The following BOLL variants were observed in gnomAD, a reference collection of about 807,000 sequenced individuals.
BOLL encodes boule RNA binding protein.
In BOLL, 23 loss-of-function variants were observed where a neutral mutation model predicts 44.4. The observed-to-expected ratio is 0.52, with a 90% CI of 0.37 to 0.73. The LOEUF is 0.73. Among genes scored for constraint, BOLL ranks in the 30% least tolerant of loss-of-function variants. The probability of loss-of-function intolerance (pLI) is 0.00; values close to 1 mark genes in which losing one functional copy is unlikely to be tolerated. For missense variants in BOLL, 287 were observed against 338.3 expected (o/e 0.85, Z 1.19); for synonymous variants, 97 against 110.8 (o/e 0.88, Z 0.78).
intron 4 of BOLL, among the ~76,000 whole-genome samples, chr2:197,776,278 T>G (rs1689509750): frequency 6.6e-6 from 1 of 151,894 alleles, no homozygotes; most frequent in African/African-American, 2.4e-5. Flanking sequence ...AAGAAGACTG[T>G]CATAGGCATT....
In BOLL at chr2:197,756,414, A is replaced by C; in HGVS notation, c.729+14T>G. 1 of 1,570,548 alleles carries C rather than the reference A, an allele frequency of 6.4e-7. No individual in the cohort carries two copies. The highest frequency in any genetic ancestry group is 8.6e-7 in the Non-Finnish European group (1 of 1,158,974). On this transcript the variant is annotated intron_variant, in intron 9 of 10. Transcript: ENST00000392296. ...AGGTAGTTATAGATCAATTACTTTA[A>C]GACTAATACATACCTCTGGAACTGA...
intron 10 of BOLL, among the ~76,000 whole-genome samples, chr2:197,729,562 T>C (rs1201303341): frequency 6.6e-6 from 1 of 152,186 alleles, no homozygotes; most frequent in Non-Finnish European, 1.5e-5. Context: ...TAAATGTCCC[T>C]GTCTGACAGC....
intron 5 of BOLL, chr2:197,774,054 T>C (rs1391751532): frequency 2.2e-6 from 1 of 460,864 alleles, no homozygotes; most frequent in South Asian, 1.6e-5. Context: ...AGTCCTGCAT[T>C]TGAAGGCTAG....
At chr2:197,739,555 C>T (rs1454764313) in intron 10 of BOLL, among the ~76,000 whole-genome samples, 3 of 152,124 alleles carry the variant, frequency 2.0e-5, no homozygotes, top group African/African-American at 7.2e-5. Flanking sequence ...AAACTCCTGG[C>T]TTCAAGCAAT....
At chr2:197,763,142 C>T (rs1348964459) in intron 7 of BOLL, among the ~76,000 whole-genome samples, 1 of 152,134 alleles carries the variant, frequency 6.6e-6, no homozygotes. Context: ...AATTCCTGAA[C>T]ATATACAATC....
chr2:197,740,980 A>C (rs888729680), intron 10 of BOLL, among the ~76,000 whole-genome samples: 2 of 152,100 alleles, frequency 1.3e-5, no homozygotes, highest in African/African-American at 4.8e-5. Flanking sequence ...TTTTGGTTCC[A>C]TATGAACTTT....
At chr2:197,749,451 A>G (rs558605431) in intron 9 of BOLL, among the ~76,000 whole-genome samples, 54 of 152,216 alleles carry the variant, frequency 3.5e-4, no homozygotes, top group African/African-American at 1.3e-3. Context: ...CTAAAGGCGC[A>G]TGTTCTAACC....
chr2:197,782,682 C>T (rs927636748), intron 1 of BOLL, among the ~76,000 whole-genome samples: 1 of 152,128 alleles, frequency 6.6e-6, no homozygotes, highest in Non-Finnish European at 1.5e-5. Context: ...AATTAACAGA[C>T]CCAACTTTAC....
chr2:197,745,106 G>A (rs974403885), intron 9 of BOLL, among the ~76,000 whole-genome samples: 9 of 152,186 alleles, frequency 5.9e-5, no homozygotes, highest in Admixed American at 6.5e-5. Context: ...TTCTTACTCT[G>A]CAAAAGAGAA....
chr2:197,729,443 C>G (rs1687034261), intron 10 of BOLL, among the ~76,000 whole-genome samples: 1 of 152,168 alleles, frequency 6.6e-6, no homozygotes. Context: ...CTGGGAAGCT[C>G]CAACTGGGTG....
At chr2:197,750,573 G>T (rs1039052478) in intron 9 of BOLL, among the ~76,000 whole-genome samples, 1 of 152,098 alleles carries the variant, frequency 6.6e-6, no homozygotes, top group African/African-American at 2.4e-5. Flanking sequence ...ATGGTAAAGG[G>T]ATCAATGCAA....
chr2:197,773,126 T>C lies in BOLL; in HGVS notation c.353-1144A>G, dbSNP rs558092782. Among the ~76,000 whole-genome samples the C allele has an allele frequency of 1.6e-4, 25 of 151,946 alleles. No individual in the cohort carries two copies. In the South Asian group the frequency reaches 5.0e-3, roughly 30 times the overall value. On this transcript the variant is annotated intron_variant, in intron 5 of 10. Transcript: ENST00000392296. ...TTCTTAATTAGATCCTTTTGAGAAT[T>C]TGATGAAAATCAGGGACCTTTTCCT...
At chr2:197,735,555 G>A (rs1219141499) in intron 10 of BOLL, among the ~76,000 whole-genome samples, 2 of 152,200 alleles carry the variant, frequency 1.3e-5, no homozygotes, top group Non-Finnish European at 2.9e-5. Context: ...AGAATAAGGT[G>A]TATAGTTTAG....
chr2:197,761,721 TA>T (rs1458397307), intron 7 of BOLL, among the ~76,000 whole-genome samples: 2 of 152,070 alleles, frequency 1.3e-5, no homozygotes, highest in Non-Finnish European at 2.9e-5. Flanking sequence ...ACCTTACCTG[TA>T]AAGACACACA....
At chr2:197,733,820 A>AT (rs1484103699) in intron 10 of BOLL, among the ~76,000 whole-genome samples, 6 of 152,214 alleles carry the variant, frequency 3.9e-5, no homozygotes, top group African/African-American at 1.4e-4. Context: ...TTCAAGATGG[A>AT]TTAAAGACTT....
At chr2:197,734,146 G>C (rs1433287094) in intron 10 of BOLL, among the ~76,000 whole-genome samples, 1 of 151,212 alleles carries the variant, frequency 6.6e-6, no homozygotes, top group African/African-American at 2.4e-5. Flanking sequence ...TCAAAAAGTG[G>C]GCGAAGGATA....
At chr2:197,760,698 A>AT (rs1257861235) in intron 7 of BOLL, among the ~76,000 whole-genome samples, 1 of 152,234 alleles carries the variant, frequency 6.6e-6, no homozygotes, top group Non-Finnish European at 1.5e-5. Flanking sequence ...ACTAGAGAGT[A>AT]TTACAGCTTA....
intron 6 of BOLL, among the ~76,000 whole-genome samples, chr2:197,770,274 A>C (rs1411402016): frequency 1.3e-5 from 2 of 152,032 alleles, no homozygotes; most frequent in Admixed American, 6.6e-5. Context: ...AAATGGTGCT[A>C]GGAAAACTGG....
At chr2:197,740,566 G>T (rs1687683560) in intron 10 of BOLL, among the ~76,000 whole-genome samples, 1 of 152,116 alleles carries the variant, frequency 6.6e-6, no homozygotes, top group African/African-American at 2.4e-5. Flanking sequence ...GCATGAACAT[G>T]GTTCCCAAAC....
Sources: allele counts gnomAD v4.1 joint callset (sites outside exome capture counted in the v4.1 genomes callset), GRCh38; gene constraint gnomAD v4.1.1; transcripts MANE v1.5; gene names NCBI Gene and HGNC (gene_info 2026-07-23, HGNC 2026-07-21).